The following PCDHGA4 variants were observed in gnomAD, a reference collection of about 807,000 sequenced individuals.
PCDHGA4 encodes protocadherin gamma subfamily A, 4.
Under a neutral mutation model 54.6 loss-of-function variants are expected in PCDHGA4, and 38 were observed. The ratio of observed to expected loss-of-function variants is 0.70; its 90% confidence interval spans 0.54 to 0.91. PCDHGA4 has a LOEUF of 0.91. PCDHGA4 is among the 40% of genes least tolerant of loss of function. The pLI, the probability that PCDHGA4 is intolerant of heterozygous loss-of-function variation, is 0.00. For missense variants in PCDHGA4, 1,298 were observed against 1,220.9 expected (o/e 1.06, Z -0.94); for synonymous variants, 511 against 512.9 (o/e 1.00, Z 0.05).
Position 141,487,413 on chromosome 5 carries a change from A to G in PCDHGA4, c.2515-7394A>G, listed in dbSNP as rs1562119204. The G allele has an allele frequency of 1.2e-6, 2 of 1,614,172 alleles. No homozygotes were observed. The highest frequency in any genetic ancestry group is 2.2e-5 in the East Asian group (1 of 44,862). ...AGGAGGGAGGGGCTTCCCCCTTCCA[A>G]TGGGATCCTCCGAATCCAGCTAGGG... On this transcript the variant is annotated intron_variant, in intron 1 of 3. Coordinates refer to ENST00000571252, the MANE Select transcript of PCDHGA4 (RefSeq NM_018917.4). This position sits in a 1 kb window ranked among gnomAD's most constrained non-coding sequence, Gnocchi z 5.0.
At chr5:141,419,934 T>C (rs1427601115) in intron 1 of PCDHGA4, 3 of 1,613,952 alleles carry the variant, frequency 1.9e-6, no homozygotes, top group Non-Finnish European at 2.5e-6. Flanking sequence ...CAGTTTTACC[T>C]GGTGGTGGCC....
At chr5:141,380,474 C>T (rs1452214567) in intron 1 of PCDHGA4, among the ~76,000 whole-genome samples, 1 of 152,180 alleles carries the variant, frequency 6.6e-6, no homozygotes, top group Non-Finnish European at 1.5e-5. Context: ...GGTCAGGATT[C>T]TTCCCAATAT....
intron 1 of PCDHGA4, among the ~76,000 whole-genome samples, chr5:141,406,576 A>T (rs909778588): frequency 8.5e-5 from 13 of 152,222 alleles, no homozygotes; most frequent in Non-Finnish European, 8.8e-5. Context: ...CTAGTAAACC[A>T]ATTTTTTCCC....
At position 141,511,140 on chromosome 5, in the gene PCDHGA4, C is replaced by G. The variant is rs1405623579; in HGVS notation, c.2856C>G (p.Asn952Lys). Residue 952 changes from asparagine (N) to lysine (K), a missense_variant, in exon 4 of 4, where the codon AAC becomes AAG. Physicochemically the swap from Asn to Lys is moderately conservative, Grantham distance 94. Transcript: ENST00000571252. ...AGGCCCCAGCAGGTGGCAATGGCAACAAGAAGAAGTCGGGCAAGAAGGAGA... is the reference window on the plus strand; with the variant it reads ...AGGCCCCAGCAGGTGGCAATGGCAAGAAGAAGAAGTCGGGCAAGAAGGAGA... Reference protein sequence around the residue: ...DGKAPAGGNGNKKKSGKKEKK With the variant: ...DGKAPAGGNGKKKKSGKKEKK 2.5e-6 allele frequency: 4 copies of G among 1,614,068 alleles called. No homozygotes were observed. Among genetic ancestry groups the G allele is most frequent in the Admixed American group, 1.7e-5 (1 of 60,008 alleles).
intron 1 of PCDHGA4, chr5:141,418,637 T>C: frequency 6.2e-7 from 1 of 1,613,998 alleles, no homozygotes; most frequent in Non-Finnish European, 8.5e-7. Context: ...TCCAGGCACC[T>C]CCATCCTGAG....
chr5:141,476,565 C>T lies in PCDHGA4; in HGVS notation c.2515-18242C>T. 6.2e-7 allele frequency: 1 copy of T among 1,614,184 alleles called. No individual in the cohort carries two copies. Among genetic ancestry groups the T allele is most frequent in the Non-Finnish European group, 8.5e-7 (1 of 1,180,034 alleles). On this transcript the variant is annotated intron_variant, in intron 1 of 3. Coordinates refer to ENST00000571252, the MANE Select transcript of PCDHGA4 (RefSeq NM_018917.4). This position sits in a 1 kb window ranked among gnomAD's most constrained non-coding sequence, Gnocchi z 7.6. ...TTGGAGATTAGCGAGGCCGTGGCTC[C>T]GGGGACGCGCTTTCCGCTCGAGAGC...
intron 1 of PCDHGA4, chr5:141,388,903 A>T: frequency 6.2e-7 from 1 of 1,614,010 alleles, no homozygotes; most frequent in Non-Finnish European, 8.5e-7. Flanking sequence ...GATGAAAATG[A>T]CAACGCCCCA....
chr5:141,463,615 A>G (rs1336539466), intron 1 of PCDHGA4, among the ~76,000 whole-genome samples: 1 of 151,408 alleles, frequency 6.6e-6, no homozygotes, highest in Admixed American at 6.6e-5. Context: ...TGCCCGGCTA[A>G]TTTTTTGTAT....
At chr5:141,468,330 CAAA>C (rs533390277) in intron 1 of PCDHGA4, 32,113 of 79,068 alleles carry the variant, frequency 0.41, 3,870 homozygotes, top group African/African-American at 0.52. Flanking sequence ...AACTCCATCT[CAAA>C]AAAAAAAAAA....
At chr5:141,413,202 G>T (rs768256888) in intron 1 of PCDHGA4, 19 of 1,612,062 alleles carry the variant, frequency 1.2e-5, no homozygotes, top group Non-Finnish European at 1.6e-5. Flanking sequence ...ATCGCTCAAA[G>T]GAATCAAAGG....
chr5:141,505,803 C>T (rs920849273), intron 3 of PCDHGA4, among the ~76,000 whole-genome samples: 29 of 152,116 alleles, frequency 1.9e-4, no homozygotes, highest in African/African-American at 6.5e-4. Flanking sequence ...GGACTTGGAT[C>T]GACTTGCTCA....
chr5:141,478,145 T>C (rs1252008984), intron 1 of PCDHGA4: 1 of 1,614,026 alleles, frequency 6.2e-7, no homozygotes. Context: ...CCGAGCCGAG[T>C]TCCCCTCTGG....
At chr5:141,464,000 T>C (rs1045842127) in intron 1 of PCDHGA4, among the ~76,000 whole-genome samples, 15 of 152,158 alleles carry the variant, frequency 9.9e-5, no homozygotes, top group Non-Finnish European at 1.3e-4. Context: ...GTGCAGTGGC[T>C]CATGCTTGTA....
chr5:141,389,303 G>C, intron 1 of PCDHGA4: 3 of 1,614,000 alleles, frequency 1.9e-6, no homozygotes, highest in Non-Finnish European at 2.5e-6. Flanking sequence ...CACAAGTCAG[G>C]GCTTCTGATC....
chr5:141,370,895 G>A lies in PCDHGA4; in HGVS notation c.2514+13274G>A, dbSNP rs574834175. 79 of 1,614,032 alleles carry A rather than the reference G, an allele frequency of 4.9e-5. 1 individual carries two copies. In the East Asian group the frequency reaches 1.7e-3, roughly 34 times the overall value. On this transcript the variant is annotated intron_variant, in intron 1 of 3. Transcript: ENST00000571252. ...ATCCTGATGTAGGTGTCAATTCGCT[G>A]CAGCAGTACTACCTCAGCCCTGATC...
At chr5:141,360,925 G>T in intron 1 of PCDHGA4, 1 of 1,614,018 alleles carries the variant, frequency 6.2e-7, no homozygotes, top group Non-Finnish European at 8.5e-7. Flanking sequence ...TGTGCTTCAA[G>T]TGACAGCCAC....
chr5:141,469,821 G>GTCAC (rs2099212195), intron 1 of PCDHGA4, among the ~76,000 whole-genome samples: 1 of 152,028 alleles, frequency 6.6e-6, no homozygotes, highest in African/African-American at 2.4e-5. Flanking sequence ...TAGAATGGAG[G>GTCAC]TCACATAAAA....
At chr5:141,508,193 C>T (rs1426786164) in intron 3 of PCDHGA4, 1 of 152,326 alleles carries the variant, frequency 6.6e-6, no homozygotes, top group Non-Finnish European at 1.5e-5. Flanking sequence ...ATCACCCCCA[C>T]CTCGTCCAGG....
Position 141,463,645 on chromosome 5 carries a change from G to T in PCDHGA4, c.2515-31162G>T, listed in dbSNP as rs372962993. ...TTGTATTTTGTTTAGTAGAGACGGG[G>T]TTTCACCGTGTTAGCCAGGATGGTC... On this transcript the variant is annotated intron_variant, in intron 1 of 3. Transcript: ENST00000571252. 7.9e-5 allele frequency among the ~76,000 whole-genome samples: 12 copies of T among 151,840 alleles called. No individual in the cohort carries two copies. In the East Asian group the frequency reaches 2.1e-3, roughly 27 times the overall value.
Sources: gnomAD v4.1 joint callset for allele counts (sites outside exome capture counted in the v4.1 genomes callset) on GRCh38, gnomAD v4.1.1 for gene constraint, Gnocchi (gnomAD v3.1) non-coding constraint, MANE v1.5 for transcripts, NCBI Gene and HGNC (gene_info 2026-07-23, HGNC 2026-07-21) for gene names.